Variants in SNTB1 observed in about 807,000 individuals in gnomAD.
SNTB1 encodes beta-1-syntrophin.
SNTB1 carries 36 observed loss-of-function variants against 48.9 expected under a neutral mutation model. The ratio of observed to expected loss-of-function variants is 0.74; its 90% CI spans 0.56 to 0.97. The LOEUF (loss-of-function observed/expected upper bound fraction) is 0.97. Among genes scored for constraint, SNTB1 ranks in the 50% least tolerant of loss-of-function variants. The pLI, the probability that SNTB1 is intolerant of heterozygous loss-of-function variation, is 0.00. For missense variants in SNTB1, 786 were observed against 703.4 expected (o/e 1.12, Z -1.33); for synonymous variants, 299 against 294.6 (o/e 1.01, Z -0.15).
intron 1 of SNTB1, among the ~76,000 whole-genome samples, chr8:120,736,696 T>G (rs1241233807): frequency 6.6e-6 from 1 of 152,224 alleles, no homozygotes; most frequent in Non-Finnish European, 1.5e-5. Context: ...AACCGTCTAT[T>G]AATATGCAAA....
At chr8:120,649,395 C>T (rs1817363481) in intron 2 of SNTB1, among the ~76,000 whole-genome samples, 1 of 134,068 alleles carries the variant, frequency 7.5e-6, no homozygotes, top group African/African-American at 2.9e-5. Flanking sequence ...AGACAGGACC[C>T]TCAGCTGCAG....
intron 5 of SNTB1, 57 bp downstream of exon 5, chr8:120,548,705 G>A: frequency 2.0e-6 from 3 of 1,518,114 alleles, no homozygotes; most frequent in Non-Finnish European, 1.8e-6. Context: ...CCCCGGTGGA[G>A]TAGAGGGTTC....
intron 1 of SNTB1, among the ~76,000 whole-genome samples, chr8:120,758,473 A>C (rs1156780268): frequency 6.6e-6 from 1 of 152,206 alleles, no homozygotes; most frequent in African/African-American, 2.4e-5. Context: ...CAAGAGAGTC[A>C]ATATCATGTT....
chr8:120,650,141 G>A (rs1026535930), intron 2 of SNTB1, among the ~76,000 whole-genome samples: 7 of 152,344 alleles, frequency 4.6e-5, no homozygotes, highest in African/African-American at 1.4e-4. Flanking sequence ...CATCGCTCAC[G>A]CTGGGAGCTG....
chr8:120,544,507 C>T (rs772744189), intron 5 of SNTB1, among the ~76,000 whole-genome samples: 74 of 152,200 alleles, frequency 4.9e-4, no homozygotes, highest in Non-Finnish European at 9.1e-4. Context: ...TACTTCTCCA[C>T]CACCCAGCTA....
chr8:120,677,298 A>G (rs1817853115), intron 2 of SNTB1, among the ~76,000 whole-genome samples: 1 of 152,176 alleles, frequency 6.6e-6, no homozygotes, highest in Non-Finnish European at 1.5e-5. Flanking sequence ...ATATTTCTAT[A>G]AAGCCATACA....
At chr8:120,600,181 T>G (rs1230983916) in intron 3 of SNTB1, among the ~76,000 whole-genome samples, 1 of 152,240 alleles carries the variant, frequency 6.6e-6, no homozygotes, top group Non-Finnish European at 1.5e-5. Flanking sequence ...ACTAACAGGA[T>G]GCAGCAGAAG....
In SNTB1 at chr8:120,736,160, C is replaced by A. The variant is rs547818460; in HGVS notation, c.572-42252G>T. Among the ~76,000 whole-genome samples the A allele has an allele frequency of 7.7e-4, 117 of 152,084 alleles. 1 individual carries two copies. Among genetic ancestry groups the A allele is most frequent in the Middle Eastern group, 3.2e-3 (1 of 316 alleles). On this transcript the variant is annotated intron_variant, in intron 1 of 6. Transcript: ENST00000517992. ...GAACCTCTTATAAAAACCATCAGAT[C>A]TTATGAGAACTCACTATCATGAGAA...
chr8:120,569,199 C>T (rs1452722061), intron 4 of SNTB1, among the ~76,000 whole-genome samples: 5 of 152,052 alleles, frequency 3.3e-5, no homozygotes, highest in Non-Finnish European at 5.9e-5. Context: ...CAGCTGGCCT[C>T]GAACCCCTGA....
intron 2 of SNTB1, among the ~76,000 whole-genome samples, chr8:120,679,752 C>G (rs139064742): frequency 1.3e-5 from 2 of 152,158 alleles, no homozygotes; most frequent in Admixed American, 6.5e-5. Context: ...CCAGAGAGAT[C>G]TTTGCTACAT....
At chr8:120,598,526 C>T (rs1034361376) in intron 3 of SNTB1, among the ~76,000 whole-genome samples, 16 of 152,142 alleles carry the variant, frequency 1.1e-4, no homozygotes, top group African/African-American at 3.4e-4. Flanking sequence ...AGGTCTCACC[C>T]CCAGGAGCTT....
intron 1 of SNTB1, among the ~76,000 whole-genome samples, chr8:120,788,430 A>T (rs1819963700): frequency 6.6e-6 from 1 of 152,102 alleles, no homozygotes; most frequent in Non-Finnish European, 1.5e-5. Flanking sequence ...TCCAATTAAG[A>T]TATACAGATT....
rs117052365 is a variant in SNTB1 at position 120,700,546 on chromosome 8, A to G, written c.572-6638T>C. ...CATCATGATTTAAAAGCTGTGCTTT[A>G]GAAATTAAAATTCCAATCTTCAGTT... On this transcript the variant is annotated intron_variant, in intron 1 of 6. Coordinates refer to ENST00000517992, the MANE Select transcript of SNTB1 (RefSeq NM_021021.4). Among the ~76,000 whole-genome samples the G allele has an allele frequency of 4.6e-4, 70 of 152,318 alleles. No homozygotes were observed. The East Asian group carries it at 6.2e-3, about 13-fold the overall frequency.
At chr8:120,702,838 T>A (rs1818328198) in intron 1 of SNTB1, among the ~76,000 whole-genome samples, 1 of 152,188 alleles carries the variant, frequency 6.6e-6, no homozygotes, top group Non-Finnish European at 1.5e-5. Flanking sequence ...GCCAACTATG[T>A]AAGCTTGGGA....
At chr8:120,544,791 T>A (rs1255690797) in intron 5 of SNTB1, among the ~76,000 whole-genome samples, 1 of 34,710 alleles carries the variant, frequency 2.9e-5, no homozygotes, top group Admixed American at 4.0e-4. Context: ...AATTCAAAAC[T>A]TTTTTTTTTT....
chr8:120,671,649 A>C (rs1349750130), intron 2 of SNTB1, among the ~76,000 whole-genome samples: 1 of 152,236 alleles, frequency 6.6e-6, no homozygotes, highest in Non-Finnish European at 1.5e-5. Flanking sequence ...TTGAACTCCT[A>C]GTGTCCAGAA....
intron 3 of SNTB1, among the ~76,000 whole-genome samples, chr8:120,598,246 C>T (rs1274247714): frequency 2.6e-5 from 4 of 152,166 alleles, no homozygotes; most frequent in Non-Finnish European, 4.4e-5. Flanking sequence ...CTCAAGGGAA[C>T]TCAGGGCTTA....
At chr8:120,691,742 CTATT>C (rs905457014) in intron 2 of SNTB1, among the ~76,000 whole-genome samples, 4 of 152,060 alleles carry the variant, frequency 2.6e-5, no homozygotes, top group African/African-American at 9.7e-5. Flanking sequence ...AACACTTAGA[CTATT>C]TAAAAAAAAA....
At chr8:120,556,662 T>A (rs529209382) in intron 4 of SNTB1, among the ~76,000 whole-genome samples, 2 of 152,302 alleles carry the variant, frequency 1.3e-5, no homozygotes, top group South Asian at 4.1e-4. Context: ...TCAGACAAGA[T>A]AAGATTAAGA....
Sources: gnomAD v4.1 joint callset for allele counts (sites outside exome capture counted in the v4.1 genomes callset) on GRCh38, gnomAD v4.1.1 for gene constraint, MANE v1.5 for transcripts, NCBI Gene and HGNC (gene_info 2026-07-23, HGNC 2026-07-21) for gene names.